Variants in CELF2 observed in about 807,000 individuals in gnomAD.
CELF2 encodes CUGBP Elav-like family member 2.
In CELF2, 8 loss-of-function variants were observed where a neutral mutation model predicts 62.6. The observed-to-expected ratio is 0.13, with a 90% CI of 0.07 to 0.23. The LOEUF (loss-of-function observed/expected upper bound fraction) is 0.23. CELF2 is among the 10% of genes least tolerant of loss of function. CELF2 has a pLI of 1.00. For missense variants in CELF2, 333 were observed against 671.0 expected, an observed-to-expected ratio of 0.50 and a Z score of 5.56; for synonymous variants, 258 against 250.0, an observed-to-expected ratio of 1.03 and a Z score of -0.30.
chr10:10,589,174 A>G, the CELF2 span, among the ~76,000 whole-genome samples: 6 of 152,272 alleles, frequency 3.9e-5, no homozygotes, highest in African/African-American at 1.4e-4. Flanking sequence ...TCCAGGTCAT[A>G]AGTAGATTCA....
At chr10:10,728,228 C>T in the CELF2 span, among the ~76,000 whole-genome samples, 2 of 150,120 alleles carry the variant, frequency 1.3e-5, no homozygotes, top group African/African-American at 4.9e-5. Flanking sequence ...ATCACGAGGT[C>T]AGGAGTTTGA....
At chr10:11,004,256 G>C (rs1046889826), upstream of CELF2, among the ~76,000 whole-genome samples, 1 of 152,182 alleles carries the variant, frequency 6.6e-6, no homozygotes, top group Non-Finnish European at 1.5e-5. The surrounding 1 kb of genome is among the most constrained non-coding windows in gnomAD (Gnocchi z 5.0). Context: ...CCAGGATTCA[G>C]TGACCCACGT....
intron 2 of CELF2, among the ~76,000 whole-genome samples, chr10:10,989,961 C>T (rs1208950497): frequency 6.6e-6 from 1 of 152,036 alleles, no homozygotes; most frequent in Admixed American, 6.6e-5. Context: ...TTAAAATTAA[C>T]AGTACACTTG....
At chr10:10,792,214 C>G in the CELF2 span, among the ~76,000 whole-genome samples, 1 of 152,270 alleles carries the variant, frequency 6.6e-6, no homozygotes, top group African/African-American at 2.4e-5. Context: ...AATCAATAAT[C>G]AATCAATATT....
chr10:11,000,940 G>T (rs73571659), upstream of CELF2, among the ~76,000 whole-genome samples: 886 of 152,266 alleles, frequency 5.8e-3, 10 homozygotes, highest in African/African-American at 0.02. Context: ...CTTTGCCTCT[G>T]TTGCACCCAT....
At chr10:10,551,658 T>C in the CELF2 span, among the ~76,000 whole-genome samples, 5 of 152,316 alleles carry the variant, frequency 3.3e-5, no homozygotes, top group East Asian at 9.6e-4. Flanking sequence ...ACTCTGCGCA[T>C]GCCCACTAAG....
intron 9 of CELF2, among the ~76,000 whole-genome samples, chr10:11,298,975 C>G (rs1039638739): frequency 1.3e-5 from 2 of 152,232 alleles, no homozygotes; most frequent in South Asian, 2.1e-4. Context: ...AGTATCTCCC[C>G]ACCTTTCCTT....
At chr10:10,726,619 T>G in the CELF2 span, among the ~76,000 whole-genome samples, 2 of 152,152 alleles carry the variant, frequency 1.3e-5, no homozygotes, top group African/African-American at 4.8e-5. Flanking sequence ...AGAAATGTGT[T>G]TGCTCCATTT....
At chr10:10,748,895 G>A in the CELF2 span, among the ~76,000 whole-genome samples, 320 of 152,244 alleles carry the variant, frequency 2.1e-3, 3 homozygotes, top group African/African-American at 7.4e-3. Context: ...GGGTGAATTG[G>A]AAGCAGAGTC....
In CELF2 at chr10:11,333,525, T is replaced by TATC. The variant is rs2096067257; in HGVS notation, c.*4473_*4475dup. On this transcript the variant is annotated 3_prime_UTR_variant, in exon 13 of 13. Transcript: ENST00000633077. ...GAATCATTTTACTGTTTGTTTTTAT[T>TATC]ATCTTAAGTGCTAATTAAAAAAAAA... 1 of 152,392 alleles carries TATC rather than the reference T, an allele frequency of 6.6e-6. No individual in the cohort carries two copies. The highest frequency in any genetic ancestry group is 2.4e-5 in the African/African-American group (1 of 41,434). The allele number at this position is 152,392 out of a possible 1,614,324, so 9.4% of individuals were successfully genotyped here.
At chr10:10,646,904 T>C in the CELF2 span, among the ~76,000 whole-genome samples, 1 of 152,138 alleles carries the variant, frequency 6.6e-6, no homozygotes. Context: ...GCTAATGATC[T>C]CTCCCTGCCC....
At chr10:11,164,156 G>T (rs1471946215) in intron 1 of CELF2, among the ~76,000 whole-genome samples, 1 of 152,228 alleles carries the variant, frequency 6.6e-6, no homozygotes, top group Non-Finnish European at 1.5e-5. Flanking sequence ...TATTTTCACA[G>T]GCTGAGAAGC....
chr10:10,730,997 G>T, the CELF2 span, among the ~76,000 whole-genome samples: 1 of 152,180 alleles, frequency 6.6e-6, no homozygotes, highest in East Asian at 1.9e-4. Context: ...TATAGGAGAA[G>T]ATAGAGTGGC....
chr10:10,602,884 T>A, the CELF2 span, among the ~76,000 whole-genome samples: 1 of 152,092 alleles, frequency 6.6e-6, no homozygotes, highest in Non-Finnish European at 1.5e-5. Context: ...CATGGGTGTA[T>A]AATTCACATA....
chr10:11,179,651 A>T (rs1447581320), intron 2 of CELF2, among the ~76,000 whole-genome samples: 1 of 152,198 alleles, frequency 6.6e-6, no homozygotes, highest in Non-Finnish European at 1.5e-5. Flanking sequence ...GAATACAAAG[A>T]TGACTACTGG....
intron 2 of CELF2, among the ~76,000 whole-genome samples, chr10:10,980,456 C>T (rs939235783): frequency 6.6e-6 from 1 of 152,214 alleles, no homozygotes; most frequent in Non-Finnish European, 1.5e-5. Flanking sequence ...TCCACGTTCT[C>T]GTGGCCTCCT....
intron 1 of CELF2, among the ~76,000 whole-genome samples, chr10:11,022,795 G>A (rs1026086566): frequency 2.0e-4 from 30 of 152,124 alleles, no homozygotes; most frequent in African/African-American, 7.2e-4. Context: ...AATCAGGGTA[G>A]CGATCATTGT....
chr10:10,521,222 A>G, the CELF2 span, among the ~76,000 whole-genome samples: 6 of 152,328 alleles, frequency 3.9e-5, no homozygotes, highest in Non-Finnish European at 7.3e-5. Flanking sequence ...AACCAGAGCT[A>G]TGACGACTCA....
chr10:10,696,778 C>T, the CELF2 span, among the ~76,000 whole-genome samples: 10 of 152,130 alleles, frequency 6.6e-5, no homozygotes, highest in Non-Finnish European at 1.3e-4. Flanking sequence ...AGGTGCCGTC[C>T]GTCACCCCTT....
Sources: gnomAD v4.1 joint callset for allele counts (sites outside exome capture counted in the v4.1 genomes callset) on GRCh38, gnomAD v4.1.1 for gene constraint, Gnocchi (gnomAD v3.1) non-coding constraint, MANE v1.5 for transcripts, NCBI Gene and HGNC (gene_info 2026-07-23, HGNC 2026-07-21) for gene names.